The following CAPN3 variants were observed in gnomAD, a reference collection of about 807,000 sequenced individuals.
The protein encoded by CAPN3 is calpain-3.
In CAPN3, 88 loss-of-function variants were observed where a neutral mutation model predicts 114.0. The observed-to-expected ratio is 0.77, with a 90% CI of 0.65 to 0.92. The LOEUF (loss-of-function observed/expected upper bound fraction) is 0.92, where lower values mean the gene tolerates loss of function less well. Ranked by LOEUF, CAPN3 falls within the 40% of genes least tolerant of loss-of-function variation. The pLI is 0.00. For synonymous variants in CAPN3, 386 were observed against 382.9 expected, an observed-to-expected ratio of 1.01 and a Z score of -0.09; for missense variants, 1,028 against 1,069.0, an observed-to-expected ratio of 0.96 and a Z score of 0.53.
chr15:42,406,738 G>A (rs957828576), intron 15 of CAPN3, among the ~76,000 whole-genome samples: 18 of 152,016 alleles, frequency 1.2e-4, no homozygotes, highest in Admixed American at 7.9e-4. Flanking sequence ...ACCCACACTC[G>A]GGCCTGCCAG....
At chr15:42,367,151 C>T (rs1281203433) in intron 1 of CAPN3, among the ~76,000 whole-genome samples, 2 of 152,088 alleles carry the variant, frequency 1.3e-5, no homozygotes, top group Non-Finnish European at 2.9e-5. Flanking sequence ...GAATTCTTTC[C>T]GAGTGCTTGT....
intron 13 of CAPN3, 29 bp downstream of exon 13, chr15:42,403,031 T>C: frequency 1.9e-6 from 3 of 1,597,208 alleles, no homozygotes; most frequent in Non-Finnish European, 2.6e-6. Context: ...TTCCCACGTG[T>C]TTCTAAAAGC....
At chr15:42,380,368 CTTTTTTTTTTTTTT>C (rs776441239) in intron 1 of CAPN3, among the ~76,000 whole-genome samples, 24 of 46,106 alleles carry the variant, frequency 5.2e-4, no homozygotes, top group South Asian at 3.4e-3. Flanking sequence ...TCTTTTTTGT[CTTTTTTTTTTTTTT>C]TTTTTTTTTT....
At chr15:42,408,094 C>T (rs1173208016) in intron 15 of CAPN3, 117 bp from the exon 16 acceptor site, 15 of 705,000 alleles carry the variant, frequency 2.1e-5, no homozygotes, top group South Asian at 1.3e-4. Flanking sequence ...GAAGAGCTCC[C>T]GCCTATTCCT....
intron 1 of CAPN3, among the ~76,000 whole-genome samples, chr15:42,381,437 T>C (rs1391566494): frequency 6.6e-6 from 1 of 152,180 alleles, no homozygotes; most frequent in East Asian, 1.9e-4. Flanking sequence ...CTTTCTTCTT[T>C]CTCCTTTGAT....
intron 19 of CAPN3, 102 bp from the exon 20 acceptor site, chr15:42,410,326 C>T: frequency 9.6e-7 from 1 of 1,038,994 alleles, no homozygotes; most frequent in Non-Finnish European, 1.5e-6. Context: ...TTAAATAGTA[C>T]AACAGGGCAG....
chr15:42,367,180 G>T (rs1014013329), intron 1 of CAPN3, among the ~76,000 whole-genome samples: 2 of 152,138 alleles, frequency 1.3e-5, no homozygotes, highest in African/African-American at 4.8e-5. Context: ...TGAGGCAAGT[G>T]ACTTGGTAGA....
At position 42,408,299 on chromosome 15, in the gene CAPN3, C is replaced by T; in HGVS notation, c.1889C>T (p.Pro630Leu). The T allele has an allele frequency of 6.2e-7, 1 of 1,613,518 alleles. No individual in the cohort carries two copies. Among genetic ancestry groups the T allele is most frequent in the Non-Finnish European group, 8.5e-7 (1 of 1,179,538 alleles). ...GAGGAGGGCAAAGGCAAAACAAGCC[C>T]TGATAAGCAAAAGCAGTCCCCACAG... is the stretch of plus-strand genomic sequence containing the variant. ...ESEEGKGKTS[P>L]DKQKQSPQPQ... Residue 630 changes from proline to leucine, a missense_variant, in exon 16 of 24, where the codon CCT becomes CTT. Transcript: ENST00000397163.
intron 1 of CAPN3, among the ~76,000 whole-genome samples, chr15:42,380,751 A>ATATATTTTTTTTTTTTT (rs1436943739): frequency 3.1e-5 from 2 of 64,454 alleles, no homozygotes; most frequent in African/African-American, 1.8e-4. Context: ...ATATATATAT[A>ATATATTTTTTTTTTTTT]TTTTTTTTTT....
intron 17 of CAPN3, 45 bp from the exon 18 acceptor site, chr15:42,409,742 C>G (rs1193913523): frequency 6.5e-7 from 1 of 1,532,654 alleles, no homozygotes; most frequent in South Asian, 1.1e-5. Context: ...GCGCCAGGAG[C>G]TGCTGTACTC....
intron 1 of CAPN3, among the ~76,000 whole-genome samples, chr15:42,361,427 TG>T (rs2052640286): frequency 6.6e-6 from 1 of 152,072 alleles, no homozygotes; most frequent in Non-Finnish European, 1.5e-5. Flanking sequence ...GCCGAGATCA[TG>T]CCACTGCACT....
In CAPN3 at chr15:42,412,086, G is replaced by GCTGT. The variant is rs1358711323; in HGVS notation, c.*317_*320dup. On this transcript the variant is annotated 3_prime_UTR_variant, in exon 24 of 24. Coordinates refer to ENST00000397163, the MANE Select transcript of CAPN3 (RefSeq NM_000070.3). ...AGTGCTCCTGCTTACCTTGCTCTAG[G>GCTGT]CTGTCTGCAGAAGCACCTGCCGGTG... is the stretch of plus-strand genomic sequence containing the variant. The GCTGT allele has an allele frequency of 2.6e-6, 4 of 1,534,718 alleles. No homozygotes were observed. In the East Asian group the frequency reaches 7.3e-5, roughly 28 times the overall value.
intron 3 of CAPN3, 44 bp downstream of exon 3, chr15:42,386,329 C>T (rs2053405424): frequency 7.4e-6 from 10 of 1,353,136 alleles, no homozygotes; most frequent in Non-Finnish European, 1.1e-5. Context: ...CGGCAGGCCA[C>T]CCACCGCTGG....
Position 42,409,356 on chromosome 15 carries a change from C to T in CAPN3, c.1968C>T (p.Asn656=), listed in dbSNP as rs1437608593. ...GTGAGGAACAGCAACAATTCCGGAA[C>T]ATTTTCAAGCAGATAGCAGGAGATG... ...QESEEQQQFR[N]IFKQIAGDDM... is the part of the protein sequence containing the mutation. The change falls in exon 17 of 24, where the codon AAC becomes AAT. Residue 656 remains asparagine, a synonymous_variant. Transcript: ENST00000397163. 2 of 1,614,100 alleles carry T rather than the reference C, an allele frequency of 1.2e-6. No homozygotes were observed.
At chr15:42,371,202 TA>T (rs139280891) in intron 1 of CAPN3, among the ~76,000 whole-genome samples, 1,699 of 151,316 alleles carry the variant, frequency 0.011, 33 homozygotes, top group African/African-American at 0.04. Context: ...ATCACGGGGG[TA>T]GGGGGGATGG....
intron 1 of CAPN3, among the ~76,000 whole-genome samples, chr15:42,379,468 C>T (rs78794553): frequency 3.3e-5 from 5 of 152,112 alleles, no homozygotes; most frequent in South Asian, 2.1e-4. Context: ...TAGTGTTGTT[C>T]AGGTCAACAA....
chr15:42,384,575 A>G (rs1172588454), intron 2 of CAPN3, 23 bp downstream of exon 2: 1 of 1,537,454 alleles, frequency 6.5e-7, no homozygotes, highest in African/African-American at 1.4e-5. Context: ...CTCAGGTCAG[A>G]TCCTGCCAGA....
At chr15:42,403,193 G>A (rs542927072) in intron 13 of CAPN3, among the ~76,000 whole-genome samples, 191 bp downstream of exon 13, 1 of 152,300 alleles carries the variant, frequency 6.6e-6, no homozygotes, top group South Asian at 2.1e-4. Flanking sequence ...TATGTTCCAG[G>A]CACTGTCCTA....
intron 16 of CAPN3, 170 bp downstream of exon 16, chr15:42,408,494 G>A: frequency 1.6e-6 from 1 of 621,736 alleles, no homozygotes. Flanking sequence ...AATTTGGGCT[G>A]CTGCTTGGGT....
Sources: gnomAD v4.1 joint callset for allele counts (sites outside exome capture counted in the v4.1 genomes callset) on GRCh38, gnomAD v4.1.1 for gene constraint, MANE v1.5 for transcripts, NCBI Gene and HGNC (gene_info 2026-07-23, HGNC 2026-07-21) for gene names.